ANKMY2: variants seen among roughly 807,000 people sequenced by gnomAD.
ANKMY2 encodes the protein ankyrin repeat and MYND domain-containing protein 2.
In ANKMY2, 36 loss-of-function variants were observed where a neutral mutation model predicts 50.4. That is an observed-to-expected ratio of 0.71 (90% CI 0.55 to 0.94). The LOEUF is 0.94. Ranked by LOEUF, ANKMY2 falls within the 40% of genes least tolerant of loss-of-function variation. The pLI is 0.00. For synonymous variants in ANKMY2, 187 were observed against 178.8 expected (o/e 1.05, Z -0.36); for missense variants, 565 against 524.0 (o/e 1.08, Z -0.76).
intron 7 of ANKMY2, among the ~76,000 whole-genome samples, chr7:16,606,465 G>A (rs1488459313): frequency 6.6e-6 from 1 of 151,592 alleles, no homozygotes; most frequent in Admixed American, 6.6e-5. Flanking sequence ...GCATTTATCT[G>A]TCTGAGACGA....
chr7:16,609,613 G>C lies in ANKMY2; in HGVS notation c.882+17C>G. 1 of 1,589,982 alleles carries C rather than the reference G, an allele frequency of 6.3e-7. No homozygotes were observed. The highest frequency in any genetic ancestry group is 8.5e-7 in the Non-Finnish European group (1 of 1,173,138). On this transcript the variant is annotated intron_variant, in intron 7 of 9. Coordinates refer to ENST00000306999, the MANE Select transcript of ANKMY2 (RefSeq NM_020319.3). ...AGGTTTTACTGATAGAGTCAACTTA[G>C]GTAAGAGGAGCCTTACAATTTCAAC...
chr7:16,642,605 A>G (rs1781760997), intron 1 of ANKMY2, among the ~76,000 whole-genome samples: 1 of 152,028 alleles, frequency 6.6e-6, no homozygotes, highest in African/African-American at 2.4e-5. Context: ...AAGTACTAGA[A>G]CTTATTGTCT....
chr7:16,627,826 TTTGG>T (rs1781526429), intron 2 of ANKMY2, among the ~76,000 whole-genome samples: 1 of 150,432 alleles, frequency 6.6e-6, no homozygotes, highest in Non-Finnish European at 1.5e-5. Context: ...GGCTATATTG[TTTGG>T]TCAAATCACA....
At chr7:16,639,069 G>A (rs932856871) in intron 1 of ANKMY2, among the ~76,000 whole-genome samples, 16 of 152,172 alleles carry the variant, frequency 1.1e-4, no homozygotes, top group African/African-American at 3.6e-4. Context: ...TTGGAACATG[G>A]ATGAGCAAAA....
At position 16,600,528 on chromosome 7, in the gene ANKMY2, T is replaced by C. The variant is rs1781029715; in HGVS notation, c.*233A>G. On this transcript the variant is annotated 3_prime_UTR_variant, in exon 10 of 10. Coordinates refer to ENST00000306999, the MANE Select transcript of ANKMY2 (RefSeq NM_020319.3). ...AGAAAGGTAATAGGAATGTTTTTCC[T>C]GTATTTTGAAACAAAAAATTTTCCA... is the stretch of plus-strand genomic sequence containing the variant. 8.4e-6 allele frequency: 3 copies of C among 359,026 alleles called. No homozygotes were observed. Among genetic ancestry groups the C allele is most frequent in the African/African-American group, 2.1e-5 (1 of 47,904 alleles). The allele number at this position is 359,026 out of a possible 1,614,324, so 22.2% of individuals were successfully genotyped here.
chr7:16,640,715 T>C (rs1321819868), intron 1 of ANKMY2, among the ~76,000 whole-genome samples: 1 of 151,738 alleles, frequency 6.6e-6, no homozygotes. Context: ...AACAACGGGG[T>C]CTCACTATAT....
intron 5 of ANKMY2, 75 bp downstream of exon 5, chr7:16,615,669 T>A: frequency 6.3e-7 from 1 of 1,578,714 alleles, no homozygotes; most frequent in South Asian, 1.1e-5. Flanking sequence ...ACAATTATGA[T>A]CCTGTATAAT....
At chr7:16,621,899 G>A (rs144002818) in intron 4 of ANKMY2, among the ~76,000 whole-genome samples, 1 of 152,182 alleles carries the variant, frequency 6.6e-6, no homozygotes, top group African/African-American at 2.4e-5. Flanking sequence ...AACCCAGGAG[G>A]TGGAGGTTGC....
At chr7:16,638,095 A>G (rs1335567489) in intron 1 of ANKMY2, among the ~76,000 whole-genome samples, 3 of 152,226 alleles carry the variant, frequency 2.0e-5, no homozygotes, top group East Asian at 3.9e-4. Context: ...CTCTCACTCA[A>G]TAGTCTCAAT....
chr7:16,604,713 A>G lies in ANKMY2; in HGVS notation c.1011+8T>C. 1.2e-6 allele frequency: 2 copies of G among 1,613,404 alleles called. No individual in the cohort carries two copies. The highest frequency in any genetic ancestry group is 2.7e-5 in the African/African-American group (2 of 75,040). On this transcript the variant is annotated splice_region_variant and intron_variant, in intron 8 of 9. Transcript: ENST00000306999. ...AGGTCAATGAAATAAAAAGAACTCC[A>G]TTCTTACCATTTTGCAAACTGAACA...
At chr7:16,603,006 T>C (rs117935948) in intron 8 of ANKMY2, among the ~76,000 whole-genome samples, 1,576 of 152,350 alleles carry the variant, frequency 0.01, 15 homozygotes, top group Non-Finnish European at 0.016. Flanking sequence ...CTCTTTTCTT[T>C]ATAAATGACC....
chr7:16,618,585 G>A (rs140240455), intron 4 of ANKMY2, among the ~76,000 whole-genome samples: 163 of 152,176 alleles, frequency 1.1e-3, no homozygotes, highest in East Asian at 4.6e-3. Flanking sequence ...GGGGGGATTC[G>A]GGGAGGTGGG....
At chr7:16,645,210 C>A (rs1368094235) in intron 1 of ANKMY2, among the ~76,000 whole-genome samples, 1 of 152,170 alleles carries the variant, frequency 6.6e-6, no homozygotes, top group Admixed American at 6.5e-5. Flanking sequence ...GGGGTCCACA[C>A]CCCGGGAAGC....
chr7:16,634,002 A>C (rs986931921), intron 2 of ANKMY2, among the ~76,000 whole-genome samples: 1 of 152,080 alleles, frequency 6.6e-6, no homozygotes, highest in African/African-American at 2.4e-5. Context: ...TTTTTGCTTT[A>C]AACTTTATTT....
intron 5 of ANKMY2, among the ~76,000 whole-genome samples, chr7:16,612,934 T>A (rs551180181): frequency 6.6e-6 from 1 of 152,342 alleles, no homozygotes; most frequent in African/African-American, 2.4e-5. Flanking sequence ...TTCAAAGGAT[T>A]GCTACCTGAG....
chr7:16,610,210 C>T (rs9655138), intron 6 of ANKMY2, among the ~76,000 whole-genome samples: 19,953 of 152,086 alleles, frequency 0.13, 1,428 homozygotes, highest in African/African-American at 0.19. Context: ...CCATTACAAA[C>T]CTAGGGCTGC....
rs143027116 is a variant in ANKMY2, at chr7:16,610,310, C to T, written c.746+239G>A. 4.6e-5 allele frequency among the ~76,000 whole-genome samples: 7 copies of T among 152,290 alleles called. No homozygotes were observed. The East Asian group carries it at 1.2e-3, about 25-fold the overall frequency. On this transcript the variant is annotated intron_variant, in intron 6 of 9. Coordinates refer to ENST00000306999, the MANE Select transcript of ANKMY2 (RefSeq NM_020319.3). ...CATGTTATTTAACCTCTCCAAACCT[C>T]AGATTCCTCATCTGTAAATTGCTGG...
intron 5 of ANKMY2, among the ~76,000 whole-genome samples, chr7:16,611,053 GTC>G (rs1441302405): frequency 1.3e-5 from 2 of 152,174 alleles, no homozygotes; most frequent in Non-Finnish European, 2.9e-5. Context: ...TGATTTTACA[GTC>G]TCTGTTAAAT....
chr7:16,611,262 T>G (rs1781245936), intron 5 of ANKMY2, among the ~76,000 whole-genome samples: 1 of 152,224 alleles, frequency 6.6e-6, no homozygotes, highest in Non-Finnish European at 1.5e-5. Flanking sequence ...GAAATATGCT[T>G]TACTTTCCAA....
Sources: allele counts gnomAD v4.1 joint callset (sites outside exome capture counted in the v4.1 genomes callset), GRCh38; gene constraint gnomAD v4.1.1; transcripts MANE v1.5; gene names NCBI Gene and HGNC (gene_info 2026-07-23, HGNC 2026-07-21).